Variants in HPN observed in about 807,000 individuals in gnomAD.
HPN encodes serine protease hepsin.
In HPN, 13 loss-of-function variants were observed where a neutral mutation model predicts 55.9. The observed-to-expected ratio is 0.23, with a 90% confidence interval of 0.15 to 0.37. The LOEUF (loss-of-function observed/expected upper bound fraction) is 0.37, where lower values mean the gene tolerates loss of function less well. HPN is among the 10% of genes least tolerant of loss of function. The pLI is 1.00. For missense variants in HPN, 451 were observed against 575.8 expected (o/e 0.78, Z 2.22); for synonymous variants, 225 against 240.3 (o/e 0.94, Z 0.59).
chr19:35,048,026 GAAAAAGAA>G (rs1292764371), intron 2 of HPN, among the ~76,000 whole-genome samples: 1 of 55,522 alleles, frequency 1.8e-5, no homozygotes, highest in African/African-American at 6.9e-5. Context: ...GAGAGAGAGA[GAAAAAGAA>G]AGAAAGAAAG....
chr19:35,053,869 G>A (rs1409225005), intron 4 of HPN, among the ~76,000 whole-genome samples: 4 of 152,034 alleles, frequency 2.6e-5, no homozygotes, highest in Non-Finnish European at 4.4e-5. Flanking sequence ...ACAGCCAGAG[G>A]TGCCAGGCGT....
Position 35,044,396 on chromosome 19 carries a change from C to T in HPN, c.16+1874C>T, listed in dbSNP as rs190129193. Among the ~76,000 whole-genome samples the T allele has an allele frequency of 8.7e-4, 133 of 152,088 alleles. 1 individual carries two copies. The highest frequency in any genetic ancestry group is 1.0e-3 in the Non-Finnish European group (68 of 68,006). ...GGAGGTGACACAGCACTGGTGTGCACGTAGCCAATTGTGGTATTTCTGGAG... is the reference window on the plus strand; with the variant it reads ...GGAGGTGACACAGCACTGGTGTGCATGTAGCCAATTGTGGTATTTCTGGAG... On this transcript the variant is annotated intron_variant, in intron 2 of 12. Coordinates refer to ENST00000672452, the MANE Select transcript of HPN (RefSeq NM_001384133.1).
At chr19:35,041,243 C>G (rs905525691), upstream of HPN, among the ~76,000 whole-genome samples, 4 of 152,010 alleles carry the variant, frequency 2.6e-5, no homozygotes, top group Non-Finnish European at 5.9e-5. Flanking sequence ...AGGAAGCCAG[C>G]GGGGGAGGGG....
chr19:35,042,644 C>T, intron 2 of HPN, 122 bp downstream of exon 2: 1 of 625,782 alleles, frequency 1.6e-6, no homozygotes, highest in Non-Finnish European at 2.5e-6. Flanking sequence ...AGATGCATCC[C>T]CACCCCTGTT....
chr19:35,041,677 T>TGC, upstream of HPN: 99 of 705,734 alleles, frequency 1.4e-4, no homozygotes, highest in Non-Finnish European at 1.6e-4. Context: ...GTCCGGCCCC[T>TGC]CCCCGCCCCT....
At chr19:35,061,718 G>A (rs901057412) in intron 9 of HPN, among the ~76,000 whole-genome samples, 1 of 152,118 alleles carries the variant, frequency 6.6e-6, no homozygotes, top group Non-Finnish European at 1.5e-5. Context: ...TGAGAACAGT[G>A]CTGAATGAGA....
intron 9 of HPN, among the ~76,000 whole-genome samples, chr19:35,062,544 C>T (rs1007459659): frequency 7.9e-5 from 12 of 152,276 alleles, no homozygotes; most frequent in South Asian, 4.1e-4. Flanking sequence ...CTCTCCAACA[C>T]ATACATCTTC....
At chr19:35,047,861 G>A (rs2064357004) in intron 2 of HPN, among the ~76,000 whole-genome samples, 1 of 151,808 alleles carries the variant, frequency 6.6e-6, no homozygotes, top group South Asian at 2.1e-4. Context: ...GCCATGTGTG[G>A]TGGTGTGCGC....
intron 9 of HPN, 51 bp from the exon 10 acceptor site, chr19:35,065,199 A>G: frequency 1.5e-6 from 2 of 1,337,484 alleles, no homozygotes; most frequent in Non-Finnish European, 2.1e-6. Context: ...AGAGGTTTGT[A>G]CCAGGTGGGG....
In HPN at chr19:35,049,521, G is replaced by T; in HGVS notation, c.160+5G>T. ...ACCAGGAGCCGCTGTACCCAGGTGA[G>T]TGGAGCAGGCTGGGACCCTCTGGGG... On this transcript the variant is annotated splice_donor_5th_base_variant and intron_variant, in intron 4 of 12. Coordinates refer to ENST00000672452, the MANE Select transcript of HPN (RefSeq NM_001384133.1). 1 of 1,597,566 alleles carries T rather than the reference G, an allele frequency of 6.3e-7. No homozygotes were observed.
intron 9 of HPN, among the ~76,000 whole-genome samples, chr19:35,064,039 C>T (rs1401891345): frequency 1.3e-5 from 2 of 152,198 alleles, no homozygotes; most frequent in Non-Finnish European, 2.9e-5. Context: ...TGCTGTTTGC[C>T]TGGCATGCAA....
Position 35,065,264 on chromosome 19 carries a change from G to A in HPN, c.826G>A (p.Val276Met). 1 of 1,613,538 alleles carries A rather than the reference G, an allele frequency of 6.2e-7. No individual in the cohort carries two copies. Among genetic ancestry groups the A allele is most frequent in the Non-Finnish European group, 8.5e-7 (1 of 1,179,666 alleles). Residue 276 changes from valine to methionine, a missense_variant, in exon 10 of 13, where the codon GTG (valine) becomes ATG (methionine). By Grantham distance (21) the Val-to-Met change is conservative (BLOSUM62 1). This residue lies in a region of HPN where 378 missense variants were observed against 445.5 expected (regional missense o/e 0.85). Transcript: ENST00000672452. The part of the protein sequence containing the change: ...PLPLTEYIQP[V>M]CLPAAGQALV... ...CTCTCTCACAGAATACATCCAGCCTGTGTGCCTCCCAGCTGCCGGCCAGGC... is the reference window on the plus strand; with the variant it reads ...CTCTCTCACAGAATACATCCAGCCTATGTGCCTCCCAGCTGCCGGCCAGGC...
intron 2 of HPN, among the ~76,000 whole-genome samples, chr19:35,044,398 T>C (rs1247902790): frequency 6.6e-6 from 1 of 152,072 alleles, no homozygotes. Context: ...GGTGTGCACG[T>C]AGCCAATTGT....
upstream of HPN, among the ~76,000 whole-genome samples, chr19:35,041,411 G>A (rs1228784298): frequency 1.3e-5 from 2 of 152,120 alleles, no homozygotes; most frequent in Non-Finnish European, 2.9e-5. Context: ...TTCGCTGGGT[G>A]AGGGTGGAGT....
chr19:35,042,381 G>A (rs2064302966), intron 1 of HPN, 72 bp from the exon 2 acceptor site: 1 of 1,473,408 alleles, frequency 6.8e-7, no homozygotes, highest in Admixed American at 2.5e-5. Context: ...ATGGACGCCT[G>A]GGACTGGGGG....
At chr19:35,061,616 A>G (rs2064533648) in intron 9 of HPN, among the ~76,000 whole-genome samples, 1 of 152,076 alleles carries the variant, frequency 6.6e-6, no homozygotes, top group Non-Finnish European at 1.5e-5. Flanking sequence ...TAAATAAATA[A>G]CAAAAAAAAT....
intron 2 of HPN, among the ~76,000 whole-genome samples, chr19:35,043,795 G>T (rs1249468129): frequency 6.6e-6 from 1 of 152,256 alleles, no homozygotes; most frequent in Non-Finnish European, 1.5e-5. Context: ...TGGAGCTGCC[G>T]GAAGGACAGC....
chr19:35,052,298 C>A (rs2064412916), intron 4 of HPN, among the ~76,000 whole-genome samples: 2 of 152,098 alleles, frequency 1.3e-5, no homozygotes, highest in African/African-American at 4.8e-5. Context: ...GAGGCCGAGG[C>A]AGGCAGATCA....
intron 4 of HPN, among the ~76,000 whole-genome samples, chr19:35,056,602 T>G (rs575627206): frequency 6.6e-6 from 1 of 152,094 alleles, no homozygotes; most frequent in Admixed American, 6.6e-5. Flanking sequence ...CCTCTAGCCT[T>G]CTCGTATATC....
Sources: gnomAD v4.1 joint callset for allele counts (sites outside exome capture counted in the v4.1 genomes callset) on GRCh38, gnomAD v4.1.1 for gene constraint, gnomAD v4.1.1 regional missense constraint, MANE v1.5 for transcripts, NCBI Gene and HGNC (gene_info 2026-07-23, HGNC 2026-07-21) for gene names.